Variants in COBL observed in about 807,000 individuals in gnomAD.
The protein encoded by COBL is protein cordon-bleu.
A neutral mutation model predicts 98.8 loss-of-function variants in COBL; 51 were observed. The observed-to-expected ratio is 0.52, with a 90% confidence interval of 0.41 to 0.65. The LOEUF is 0.65. Ranked by LOEUF, COBL falls within the 30% of genes least tolerant of loss-of-function variation. The pLI is 0.00. For synonymous variants in COBL, 634 were observed against 651.7 expected (o/e 0.97, Z 0.41); for missense variants, 1,617 against 1,617.5 (o/e 1.00, Z 0.01).
intron 1 of COBL, among the ~76,000 whole-genome samples, chr7:51,231,442 G>A (rs1300669885): frequency 6.6e-6 from 1 of 152,192 alleles, no homozygotes; most frequent in East Asian, 1.9e-4. Context: ...GGTTCCTGGG[G>A]AGCCATATGC....
chr7:51,300,966 A>C (rs1801894514), intron 1 of COBL, among the ~76,000 whole-genome samples: 1 of 152,192 alleles, frequency 6.6e-6, no homozygotes, highest in Non-Finnish European at 1.5e-5. Flanking sequence ...CGCGGGGTCC[A>C]GATGTGGGGT....
intron 5 of COBL, among the ~76,000 whole-genome samples, chr7:51,140,391 C>G (rs956053200): frequency 6.6e-6 from 1 of 152,098 alleles, no homozygotes; most frequent in Admixed American, 6.5e-5. Context: ...ATACGCGCAT[C>G]TGGGGAGAGA....
At chr7:51,240,757 G>A (rs961659669) in intron 1 of COBL, among the ~76,000 whole-genome samples, 5 of 152,036 alleles carry the variant, frequency 3.3e-5, no homozygotes, top group Non-Finnish European at 5.9e-5. Context: ...TGGCCAGGCT[G>A]GTCTTGAACT....
chr7:51,122,993 A>C (rs1376538588), intron 6 of COBL, among the ~76,000 whole-genome samples: 1 of 152,192 alleles, frequency 6.6e-6, no homozygotes, highest in Non-Finnish European at 1.5e-5. Flanking sequence ...AAAAAAAAAA[A>C]AAAAATTGAA....
chr7:51,288,711 G>A (rs1428746087), intron 1 of COBL, among the ~76,000 whole-genome samples: 5 of 152,058 alleles, frequency 3.3e-5, no homozygotes, highest in African/African-American at 4.8e-5. Flanking sequence ...CTGAGATCAC[G>A]TTATTGTACT....
intron 2 of COBL, among the ~76,000 whole-genome samples, chr7:51,204,004 A>G (rs1052764502): frequency 6.6e-6 from 1 of 152,228 alleles, no homozygotes; most frequent in African/African-American, 2.4e-5. Flanking sequence ...ATTCAACAGC[A>G]CATTTAAAGG....
chr7:51,188,535 G>A (rs182803631), intron 4 of COBL, among the ~76,000 whole-genome samples: 2 of 152,326 alleles, frequency 1.3e-5, no homozygotes, highest in East Asian at 3.9e-4. Flanking sequence ...CGAAAGGGGT[G>A]CTGGCCACAA....
At chr7:51,275,175 C>G (rs1014983060) in intron 1 of COBL, among the ~76,000 whole-genome samples, 1 of 152,120 alleles carries the variant, frequency 6.6e-6, no homozygotes, top group African/African-American at 2.4e-5. Context: ...AGAGGGGTCA[C>G]CCCTGCGGGC....
At chr7:51,064,902 GC>G in intron 7 of COBL, 1 of 523,922 alleles carries the variant, frequency 1.9e-6, no homozygotes, top group South Asian at 2.8e-5. Flanking sequence ...GGGCCCTGCT[GC>G]CTGGAAAGGA....
At chr7:51,275,736 C>G (rs1480665841) in intron 1 of COBL, among the ~76,000 whole-genome samples, 4 of 152,204 alleles carry the variant, frequency 2.6e-5, no homozygotes, top group Non-Finnish European at 5.9e-5. Context: ...AGGCCTGTCC[C>G]AACAACGGTG....
intron 1 of COBL, among the ~76,000 whole-genome samples, chr7:51,299,287 T>C (rs949975950): frequency 6.6e-6 from 1 of 152,142 alleles, no homozygotes; most frequent in Non-Finnish European, 1.5e-5. Flanking sequence ...GCCCAGGAGG[T>C]GCAGCACTGG....
intron 7 of COBL, among the ~76,000 whole-genome samples, chr7:51,057,331 C>G (rs963775713): frequency 1.6e-5 from 2 of 128,772 alleles, no homozygotes; most frequent in African/African-American, 7.2e-5. Context: ...CACGCACACA[C>G]ATACACACAC....
At chr7:51,100,476 A>G (rs1459181957) in intron 6 of COBL, among the ~76,000 whole-genome samples, 2 of 152,194 alleles carry the variant, frequency 1.3e-5, no homozygotes, top group East Asian at 3.9e-4. Flanking sequence ...GCTTTGTTCT[A>G]TGAATCCACA....
intron 1 of COBL, 107 bp downstream of exon 1, chr7:51,316,486 C>A (rs553525263): frequency 2.4e-6 from 2 of 832,456 alleles, no homozygotes; most frequent in Non-Finnish European, 3.1e-6. Context: ...CCAGCACCCG[C>A]TGGGGCGGCA....
At chr7:51,271,420 C>T (rs1185315367) in intron 1 of COBL, among the ~76,000 whole-genome samples, 1 of 152,194 alleles carries the variant, frequency 6.6e-6, no homozygotes, top group Non-Finnish European at 1.5e-5. Flanking sequence ...CTTCTGTTCT[C>T]ACCAGTTTGG....
At position 51,203,205 on chromosome 7, in the gene COBL, T is replaced by TA. The variant is rs201558011; in HGVS notation, c.246-9617dup. ...TAACTGAAATAGAGAACAGAAAAATTAAAAAAAAAACTCTTGGGAGGCCGA... is the reference window on the plus strand; with the variant it reads ...TAACTGAAATAGAGAACAGAAAAATTAAAAAAAAAAACTCTTGGGAGGCCGA... On this transcript the variant is annotated intron_variant, in intron 2 of 12. Transcript: ENST00000265136. 2.7e-3 allele frequency among the ~76,000 whole-genome samples: 392 copies of TA among 143,040 alleles called. 6 individuals are homozygous for TA. The highest frequency in any genetic ancestry group is 0.016 in the East Asian group (75 of 4,776). The allele number at this position is 143,040 out of a possible 152,430, so 93.8% of individuals were successfully genotyped here.
At chr7:51,049,212 T>C (rs1489712414) in intron 7 of COBL, among the ~76,000 whole-genome samples, 1 of 152,240 alleles carries the variant, frequency 6.6e-6, no homozygotes. Context: ...AACTCATTAA[T>C]TTATCTGCTT....
At chr7:51,077,018 C>G (rs1793147496) in intron 7 of COBL, among the ~76,000 whole-genome samples, 1 of 152,108 alleles carries the variant, frequency 6.6e-6, no homozygotes, top group Non-Finnish European at 1.5e-5. Context: ...TGTAAATAAA[C>G]AATTCAATGC....
Position 51,030,849 on chromosome 7 carries a change from G to C in COBL, c.1467C>G (p.Phe489Leu), listed in dbSNP as rs758214059. 3 of 1,608,328 alleles carry C rather than the reference G, an allele frequency of 1.9e-6. No homozygotes were observed. Among genetic ancestry groups the C allele is most frequent in the Non-Finnish European group, 2.5e-6 (3 of 1,178,686 alleles). Reference protein sequence around the residue: ...DEEDLLIAGEFRKTLAELDED... With the variant: ...DEEDLLIAGELRKTLAELDED... ...CATCAAGTTCTGCAAGGGTTTTACG[G>C]AACTCTCCAGCAATTAATAGGTCTT... The change falls in exon 9 of 13, where the codon TTC (phenylalanine) becomes TTG (leucine). Residue 489 changes from phenylalanine (F) to leucine (L), a missense_variant. This residue lies in a region of COBL where 1,304 missense variants were observed against 1,282.0 expected (regional missense o/e 1.02). Coordinates refer to ENST00000265136, the MANE Select transcript of COBL (RefSeq NM_015198.5).
Sources: allele counts gnomAD v4.1 joint callset (sites outside exome capture counted in the v4.1 genomes callset), GRCh38; gene constraint gnomAD v4.1.1; regional missense constraint gnomAD v4.1.1; transcripts MANE v1.5; gene names NCBI Gene and HGNC (gene_info 2026-07-23, HGNC 2026-07-21).